RFTN2: variants seen among roughly 807,000 people sequenced by gnomAD.
RFTN2 encodes raftlin family member 2.
RFTN2 carries 34 observed loss-of-function variants against 52.7 expected under a neutral mutation model. The ratio of observed to expected loss-of-function variants is 0.64; its 90% CI spans 0.49 to 0.86. RFTN2 has a LOEUF of 0.86. Among genes scored for constraint, RFTN2 ranks in the 40% least tolerant of loss-of-function variants. The pLI, the probability that RFTN2 is intolerant of heterozygous loss-of-function variation, is 0.00. For missense variants in RFTN2, 536 were observed against 600.1 expected (o/e 0.89, Z 1.12); for synonymous variants, 203 against 217.7 (o/e 0.93, Z 0.59).
chr2:197,572,330 C>T (rs372572264), intron 8 of RFTN2, 50 bp from the exon 9 acceptor site: 244 of 1,580,136 alleles, frequency 1.5e-4, no homozygotes, highest in Non-Finnish European at 2.1e-4. Context: ...ATGGGTGTTT[C>T]CTGTCCCTCT....
chr2:197,572,350 C>A, intron 8 of RFTN2, 70 bp from the exon 9 acceptor site: 1 of 1,466,656 alleles, frequency 6.8e-7, no homozygotes, highest in African/African-American at 1.4e-5. Context: ...TGGTCTAGCA[C>A]ATGCTGCCTT....
At chr2:197,610,580 A>T (rs1456642523) in intron 7 of RFTN2, among the ~76,000 whole-genome samples, 1 of 152,020 alleles carries the variant, frequency 6.6e-6, no homozygotes, top group Non-Finnish European at 1.5e-5. Context: ...TGACCTCCTC[A>T]TTTCCTAATT....
At chr2:197,626,767 C>T (rs188066671) in intron 5 of RFTN2, among the ~76,000 whole-genome samples, 7 of 151,268 alleles carry the variant, frequency 4.6e-5, no homozygotes, top group South Asian at 2.1e-4. Context: ...TATAGGCGCC[C>T]GCCACCACAT....
intron 8 of RFTN2, among the ~76,000 whole-genome samples, chr2:197,589,765 TATATG>T (rs918399209): frequency 7.2e-5 from 11 of 152,356 alleles, no homozygotes; most frequent in Middle Eastern, 3.4e-3. Context: ...GTTTGTCATG[TATATG>T]ATATATGAGT....
At chr2:197,641,639 T>C (rs2088676548) in intron 3 of RFTN2, among the ~76,000 whole-genome samples, 1 of 152,266 alleles carries the variant, frequency 6.6e-6, no homozygotes, top group Non-Finnish European at 1.5e-5. Context: ...ATTTTTAGTT[T>C]AAAATTCTGA....
At chr2:197,572,973 CTG>C (rs1387213162) in intron 8 of RFTN2, among the ~76,000 whole-genome samples, 2 of 152,164 alleles carry the variant, frequency 1.3e-5, no homozygotes, top group African/African-American at 4.8e-5. Flanking sequence ...TCTGCCATGA[CTG>C]TGAGGCCTCC....
rs2087283925 is a variant in RFTN2, at chr2:197,569,570, GAAAT to G, written c.*2434_*2437del. 6.6e-6 allele frequency: 1 copy of G among 152,016 alleles called. No individual in the cohort carries two copies. Among genetic ancestry groups the G allele is most frequent in the African/African-American group, 2.4e-5 (1 of 41,392 alleles). 9.4% of individuals were successfully genotyped at this position (152,016 alleles called of 1,614,324 possible). On this transcript the variant is annotated 3_prime_UTR_variant, in exon 9 of 9. Transcript: ENST00000295049. The stretch of plus-strand genomic sequence containing the variant: ...ATTTTAATAAAAGTTATTTTAATAA[GAAAT>G]AACTCAGATTAAAAATAAACGGGAG...
In RFTN2 at chr2:197,596,798, T is replaced by G. The variant is rs1042354629; in HGVS notation, c.1155-729A>C. Among the ~76,000 whole-genome samples, 9 of 152,328 alleles carry G rather than the reference T, an allele frequency of 5.9e-5. No homozygotes were observed. In the Middle Eastern group the frequency reaches 0.01, roughly 173 times the overall value. Reference sequence around the variant, plus strand: ...TGAGAAAATTTACATCCATTTTCAATTGAGGGACTTCAACTATAGCTAGAT... The same window carrying G: ...TGAGAAAATTTACATCCATTTTCAAGTGAGGGACTTCAACTATAGCTAGAT... On this transcript the variant is annotated intron_variant, in intron 7 of 8. Coordinates refer to ENST00000295049, the MANE Select transcript of RFTN2 (RefSeq NM_144629.3).
intron 3 of RFTN2, among the ~76,000 whole-genome samples, chr2:197,640,357 T>G (rs908334883): frequency 5.3e-5 from 8 of 152,166 alleles, no homozygotes; most frequent in Non-Finnish European, 7.3e-5. Context: ...TGCAGTTTGA[T>G]CTCAGACTGC....
rs764941568 is a variant in RFTN2 at position 197,569,238 on chromosome 2, A to C, written c.*2770T>G. 9 of 152,234 alleles carry C rather than the reference A, an allele frequency of 5.9e-5. No individual in the cohort carries two copies. The highest frequency in any genetic ancestry group is 1.0e-4 in the Non-Finnish European group (7 of 68,036). The allele number at this position is 152,234 out of a possible 1,614,324, so 9.4% of individuals were successfully genotyped here. On this transcript the variant is annotated 3_prime_UTR_variant, in exon 9 of 9. Transcript: ENST00000295049. ...TGGGATCTTGATACCTTTCATTATA[A>C]CTTACAGGTTTTAAAAATTCACATG...
rs1317065350 is a variant in RFTN2 at position 197,595,977 on chromosome 2, T to A, written c.1233+14A>T. ...AATATAACATTCAGTTAATAAAGCATCAATTTTACTCACATCTGGTGTTTG... is the reference window on the plus strand; with the variant it reads ...AATATAACATTCAGTTAATAAAGCAACAATTTTACTCACATCTGGTGTTTG... On this transcript the variant is annotated intron_variant, in intron 8 of 8. Coordinates refer to ENST00000295049, the MANE Select transcript of RFTN2 (RefSeq NM_144629.3). 3.3e-6 allele frequency: 5 copies of A among 1,527,510 alleles called. No homozygotes were observed. The highest frequency in any genetic ancestry group is 4.5e-6 in the Non-Finnish European group (5 of 1,102,906). The allele number at this position is 1,527,510 out of a possible 1,614,324, so 94.6% of individuals were successfully genotyped here.
intron 8 of RFTN2, among the ~76,000 whole-genome samples, chr2:197,581,036 G>A (rs1028069766): frequency 1.3e-5 from 2 of 151,816 alleles, no homozygotes; most frequent in Admixed American, 6.6e-5. Context: ...TCCCTCCCTG[G>A]CAACCAATCA....
intron 8 of RFTN2, among the ~76,000 whole-genome samples, chr2:197,576,902 G>A (rs913603998): frequency 1.3e-5 from 2 of 152,114 alleles, no homozygotes; most frequent in African/African-American, 2.4e-5. Flanking sequence ...AAATCACCAA[G>A]CTAAAAGGAA....
rs535816265 is a variant in RFTN2, at chr2:197,650,490, C to T, written c.140-3824G>A. On this transcript the variant is annotated intron_variant, in intron 1 of 8. Transcript: ENST00000295049. ...TCCTTTGAAAATTGTAAAATTCAATCTAAGAATAAGGGATGTGCCTTGGCT... is the reference window on the plus strand; with the variant it reads ...TCCTTTGAAAATTGTAAAATTCAATTTAAGAATAAGGGATGTGCCTTGGCT... Among the ~76,000 whole-genome samples the T allele has an allele frequency of 2.6e-5, 4 of 152,298 alleles. No homozygotes were observed. In the South Asian group the frequency reaches 8.3e-4, roughly 32 times the overall value.
chr2:197,576,128 C>T (rs2087415815), intron 8 of RFTN2, among the ~76,000 whole-genome samples: 1 of 151,766 alleles, frequency 6.6e-6, no homozygotes, highest in Non-Finnish European at 1.5e-5. Context: ...CCTGACTCAG[C>T]CTCCTGAGTA....
At chr2:197,654,426 G>A (rs2088865881) in intron 1 of RFTN2, among the ~76,000 whole-genome samples, 2 of 151,932 alleles carry the variant, frequency 1.3e-5, no homozygotes, top group Non-Finnish European at 2.9e-5. Flanking sequence ...AACAAAAAAG[G>A]AGAAAAATTA....
intron 7 of RFTN2, among the ~76,000 whole-genome samples, chr2:197,607,376 T>A (rs1296786901): frequency 6.6e-6 from 1 of 152,024 alleles, no homozygotes; most frequent in Non-Finnish European, 1.5e-5. Flanking sequence ...ATATACCTAA[T>A]GCTAAATGAC....
At chr2:197,613,652 T>A (rs2088098708) in intron 7 of RFTN2, among the ~76,000 whole-genome samples, 1 of 152,192 alleles carries the variant, frequency 6.6e-6, no homozygotes, top group Non-Finnish European at 1.5e-5. Flanking sequence ...GGACAGTATA[T>A]TTGCACAAGA....
intron 7 of RFTN2, among the ~76,000 whole-genome samples, chr2:197,609,413 T>G (rs190421642): frequency 4.5e-4 from 69 of 152,368 alleles, no homozygotes; most frequent in African/African-American, 1.6e-3. Context: ...ATAAGTTTGT[T>G]GGCTACATAA....
Sources: gnomAD v4.1 joint callset for allele counts (sites outside exome capture counted in the v4.1 genomes callset) on GRCh38, gnomAD v4.1.1 for gene constraint, MANE v1.5 for transcripts, NCBI Gene and HGNC (gene_info 2026-07-23, HGNC 2026-07-21) for gene names.